The following NAALADL2 variants were observed in gnomAD, a reference collection of about 807,000 sequenced individuals.
The protein encoded by NAALADL2 is N-acetylated alpha-linked acidic dipeptidase like 2.
NAALADL2 carries 76 observed loss-of-function variants against 87.2 expected under a neutral mutation model. That is an observed-to-expected ratio of 0.87 (90% CI 0.72 to 1.05). NAALADL2 has a LOEUF of 1.05. NAALADL2 is among the 50% of genes least tolerant of loss of function. NAALADL2 has a pLI of 0.00. For synonymous variants in NAALADL2, 354 were observed against 331.0 expected (o/e 1.07, Z -0.75); for missense variants, 1,089 against 945.8 (o/e 1.15, Z -1.99).
intron 5 of NAALADL2, among the ~76,000 whole-genome samples, chr3:175,439,825 A>G (rs1441853185): frequency 6.8e-6 from 1 of 147,032 alleles, no homozygotes. Flanking sequence ...ATTTTCTCCC[A>G]CTTGGTGGGT....
intron 11 of NAALADL2, among the ~76,000 whole-genome samples, chr3:175,629,400 A>C (rs1727458975): frequency 6.7e-6 from 1 of 150,032 alleles, no homozygotes; most frequent in African/African-American, 2.4e-5. Flanking sequence ...AAATGAATTC[A>C]AATACAATGA....
intron 2 of NAALADL2, among the ~76,000 whole-genome samples, chr3:175,199,852 ATATATATATATATTTTTTTTTTTTTT>A (rs1406762365): frequency 8.7e-4 from 16 of 18,326 alleles, no homozygotes; most frequent in East Asian, 1.7e-3. Flanking sequence ...ATATATATAT[ATATATATATATATTTTTTTTTTTTTT>A]TTTTTTTTTT....
chr3:175,310,910 AAAG>A (rs1339864779), intron 4 of NAALADL2, among the ~76,000 whole-genome samples: 2 of 152,088 alleles, frequency 1.3e-5, no homozygotes, highest in Admixed American at 6.6e-5. Context: ...GTTTGGTTCA[AAAG>A]AAGCAGCATG....
chr3:174,673,995 T>C (rs1726809324), intron 2 of NAALADL2, among the ~76,000 whole-genome samples: 1 of 151,982 alleles, frequency 6.6e-6, no homozygotes, highest in Non-Finnish European at 1.5e-5. Context: ...GCTATAAATA[T>C]ATTAATTTGG....
intron 3 of NAALADL2, among the ~76,000 whole-genome samples, chr3:174,829,758 C>T (rs1320635785): frequency 1.4e-5 from 2 of 141,824 alleles, no homozygotes; most frequent in African/African-American, 2.7e-5. Context: ...CCTATTTCTC[C>T]ACATCCTCTC....
At chr3:175,551,991 A>G (rs901451352) in intron 9 of NAALADL2, among the ~76,000 whole-genome samples, 1 of 151,694 alleles carries the variant, frequency 6.6e-6, no homozygotes, top group Non-Finnish European at 1.5e-5. Context: ...TGATAAATGT[A>G]GAAATTTAAT....
intron 5 of NAALADL2, among the ~76,000 whole-genome samples, chr3:175,439,327 T>C (rs2149194874): frequency 6.6e-6 from 1 of 151,866 alleles, no homozygotes; most frequent in Middle Eastern, 3.4e-3. Flanking sequence ...TTTTTTTTTA[T>C]AATTACTTAT....
intron 4 of NAALADL2, among the ~76,000 whole-genome samples, chr3:175,302,901 A>G (rs893658598): frequency 1.3e-5 from 2 of 151,524 alleles, no homozygotes; most frequent in African/African-American, 4.8e-5. Flanking sequence ...TGAGTAAAGG[A>G]TTGAGAGGAT....
Position 174,575,440 on chromosome 3 carries a change from T to C in NAALADL2, c.-115+24803T>C, listed in dbSNP as rs16861994. On this transcript the variant is annotated intron_variant, in intron 2 of 3. Coordinates refer to the NAALADL2 transcript ENST00000434257. The stretch of plus-strand genomic sequence containing the variant: ...GACTACTCAGTTTAAAGCCCAAACA[T>C]TTCCTAGTTAGTGATGAATTTGCCT... 3.4e-3 allele frequency among the ~76,000 whole-genome samples: 515 copies of C among 152,306 alleles called. 8 individuals are homozygous for C. The highest frequency in any genetic ancestry group is 0.031 in the Admixed American group (475 of 15,288).
chr3:175,661,926 G>A (rs545548513), intron 11 of NAALADL2, among the ~76,000 whole-genome samples: 4 of 151,896 alleles, frequency 2.6e-5, no homozygotes, highest in South Asian at 2.1e-4. Flanking sequence ...GTCAGGAAGC[G>A]TGATGCCTTA....
At chr3:174,758,501 G>A (rs989730773) in intron 3 of NAALADL2, among the ~76,000 whole-genome samples, 11 of 152,220 alleles carry the variant, frequency 7.2e-5, no homozygotes, top group African/African-American at 2.7e-4. Flanking sequence ...TGTTGATAGA[G>A]TAGGTTAAGT....
At chr3:175,795,097 C>A (rs148342262) in intron 13 of NAALADL2, among the ~76,000 whole-genome samples, 459 of 152,254 alleles carry the variant, frequency 3.0e-3, no homozygotes, top group South Asian at 7.5e-3. Context: ...CTTAATTACC[C>A]CCAAGGCTCC....
intron 3 of NAALADL2, among the ~76,000 whole-genome samples, chr3:174,831,030 A>T (rs548469814): frequency 6.6e-6 from 1 of 150,904 alleles, no homozygotes; most frequent in Admixed American, 6.6e-5. Flanking sequence ...TGTTTTCTAG[A>T]TATACAATCA....
At chr3:174,891,645 T>C (rs1730882930) in intron 1 of NAALADL2, among the ~76,000 whole-genome samples, 1 of 152,174 alleles carries the variant, frequency 6.6e-6, no homozygotes, top group Non-Finnish European at 1.5e-5. Context: ...CACACAGGTC[T>C]GAACTTGAGT....
intron 3 of NAALADL2, among the ~76,000 whole-genome samples, chr3:174,737,940 A>AT (rs1483599531): frequency 6.6e-6 from 1 of 151,692 alleles, no homozygotes; most frequent in African/African-American, 2.4e-5. Flanking sequence ...GTTTAAGCCC[A>AT]TTTTCTTTGG....
intron 2 of NAALADL2, among the ~76,000 whole-genome samples, chr3:174,563,996 A>G (rs1713937240): frequency 6.6e-6 from 1 of 152,168 alleles, no homozygotes. Context: ...TGATCTGTCT[A>G]AAGCACAGGG....
intron 3 of NAALADL2, among the ~76,000 whole-genome samples, chr3:174,772,082 A>G (rs1211271096): frequency 6.6e-6 from 1 of 152,128 alleles, no homozygotes; most frequent in Non-Finnish European, 1.5e-5. Flanking sequence ...TTGGTAATTG[A>G]TGAATATTTT....
intron 5 of NAALADL2, among the ~76,000 whole-genome samples, chr3:175,443,389 T>A (rs1720136280): frequency 6.6e-6 from 1 of 152,210 alleles, no homozygotes; most frequent in South Asian, 2.1e-4. Flanking sequence ...TGATTTTTTA[T>A]TAACATAAAT....
intron 2 of NAALADL2, among the ~76,000 whole-genome samples, chr3:174,656,360 A>T (rs1451075223): frequency 1.3e-5 from 2 of 152,188 alleles, no homozygotes; most frequent in African/African-American, 4.8e-5. Context: ...ACACTCTAGT[A>T]TGACTGCATG....
Sources: allele counts gnomAD v4.1 joint callset (sites outside exome capture counted in the v4.1 genomes callset), GRCh38; gene constraint gnomAD v4.1.1; transcripts MANE v1.5; gene names NCBI Gene and HGNC (gene_info 2026-07-23, HGNC 2026-07-21).